AP3S2: variants seen among roughly 807,000 people sequenced by gnomAD.
AP3S2 encodes the protein AP-3 complex subunit sigma-2.
AP3S2 carries 22 observed loss-of-function variants against 23.4 expected under a neutral mutation model. The ratio of observed to expected loss-of-function variants is 0.94; its 90% CI spans 0.67 to 1.34. The LOEUF is 1.34. Ranked by LOEUF, AP3S2 falls within the 40% of genes most tolerant of loss-of-function variation. AP3S2 has a pLI of 0.00. For missense variants in AP3S2, 241 were observed against 236.9 expected (o/e 1.02, Z -0.11); for synonymous variants, 86 against 87.1 (o/e 0.99, Z 0.07).
chr15:89,837,478 A>G, intron 5 of AP3S2, 137 bp downstream of exon 5: 1 of 985,966 alleles, frequency 1.0e-6, no homozygotes, highest in South Asian at 1.6e-5. Flanking sequence ...CATGAGTTTC[A>G]ATGGACTCAA....
intron 4 of AP3S2, among the ~76,000 whole-genome samples, chr15:89,858,402 T>C (rs1330199802): frequency 6.7e-6 from 1 of 149,776 alleles, no homozygotes; most frequent in Non-Finnish European, 1.5e-5. Context: ...GATCACGTCA[T>C]TGCACTCCAA....
At chr15:89,879,994 C>G (rs1174554770) in intron 3 of AP3S2, among the ~76,000 whole-genome samples, 1 of 145,816 alleles carries the variant, frequency 6.9e-6, no homozygotes, top group East Asian at 2.0e-4. Flanking sequence ...GAGTCTCACT[C>G]TTGTTGCCCA....
In AP3S2 at chr15:89,866,013, G is replaced by C. The variant is rs574278042; in HGVS notation, c.345+5462C>G. On this transcript the variant is annotated intron_variant, in intron 4 of 5. Coordinates refer to ENST00000336418, the MANE Select transcript of AP3S2 (RefSeq NM_005829.5). Reference sequence around the variant, plus strand: ...TGGCTCACTCACGCCTGTAATTCCAGCACTTTGGGAGACTGAGGTGGGTGG... The same window carrying C: ...TGGCTCACTCACGCCTGTAATTCCACCACTTTGGGAGACTGAGGTGGGTGG... Among the ~76,000 whole-genome samples, 29 of 152,230 alleles carry C rather than the reference G, an allele frequency of 1.9e-4. 1 individual carries two copies. Among genetic ancestry groups the C allele is most frequent in the Admixed American group, 1.8e-3 (28 of 15,290 alleles).
intron 4 of AP3S2, among the ~76,000 whole-genome samples, chr15:89,869,567 T>TAAAAA (rs527600193): frequency 6.5e-5 from 8 of 123,312 alleles, no homozygotes; most frequent in South Asian, 2.7e-4. Context: ...GAATTATCAA[T>TAAAAA]AAAAAAAAAA....
chr15:89,866,298 A>G (rs1896119142), intron 4 of AP3S2, among the ~76,000 whole-genome samples: 1 of 150,098 alleles, frequency 6.7e-6, no homozygotes, highest in Non-Finnish European at 1.5e-5. Flanking sequence ...ATGGAGGTAT[A>G]CTCCACGTTG....
At chr15:89,878,627 C>G (rs1896497425) in intron 3 of AP3S2, among the ~76,000 whole-genome samples, 1 of 152,164 alleles carries the variant, frequency 6.6e-6, no homozygotes, top group Non-Finnish European at 1.5e-5. Flanking sequence ...GTGGTATAAT[C>G]ATAGCTCACT....
rs1164241526 is a variant in AP3S2, at chr15:89,893,937, T to C, written c.13A>G (p.Ile5Val). The change falls in exon 1 of 6, where the codon ATT becomes GTT. Residue 5 changes from isoleucine to valine, a missense_variant. Physicochemically the swap from Ile to Val is conservative, Grantham distance 29. Coordinates refer to ENST00000336418, the MANE Select transcript of AP3S2 (RefSeq NM_005829.5). MIQA[I>V]LVFNNHGKPR... ...TTCCCATGGTTGTTGAAAACCAGAA[T>C]CGCCTGAATCATCTTTGCCAGCCAC... 1.0e-5 allele frequency: 16 copies of C among 1,551,458 alleles called. No individual in the cohort carries two copies. Among genetic ancestry groups the C allele is most frequent in the Non-Finnish European group, 1.4e-5 (16 of 1,146,960 alleles).
At chr15:89,857,138 C>G (rs1895860629) in intron 4 of AP3S2, among the ~76,000 whole-genome samples, 1 of 152,034 alleles carries the variant, frequency 6.6e-6, no homozygotes, top group African/African-American at 2.4e-5. Flanking sequence ...AAAGTAAAAA[C>G]TGGGCTGGGG....
At position 89,832,086 on chromosome 15, in the gene AP3S2, CA is replaced by C. The variant is rs1422701343; in HGVS notation, c.*3428del. 6.6e-6 allele frequency: 1 copy of C among 152,122 alleles called. No individual in the cohort carries two copies. Among genetic ancestry groups the C allele is most frequent in the Non-Finnish European group, 1.5e-5 (1 of 68,040 alleles). The allele number at this position is 152,122 out of a possible 1,614,324, so 9.4% of individuals were successfully genotyped here. ...GCCTAGAACTGAGCTTGGCCCTCAC[CA>C]GGCACTTAGAAATTGCATAATGAAA... On this transcript the variant is annotated 3_prime_UTR_variant, in exon 6 of 6. Transcript: ENST00000336418.
intron 4 of AP3S2, among the ~76,000 whole-genome samples, chr15:89,848,133 G>A (rs1166385948): frequency 6.6e-6 from 1 of 152,216 alleles, no homozygotes; most frequent in East Asian, 1.9e-4. Flanking sequence ...TAGGGCAAAT[G>A]CCTGTTGTGC....
At chr15:89,859,178 CCTTT>C (rs1267291057) in intron 4 of AP3S2, among the ~76,000 whole-genome samples, 2 of 150,288 alleles carry the variant, frequency 1.3e-5, no homozygotes, top group African/African-American at 2.4e-5. Flanking sequence ...TTCCTTCCTT[CCTTT>C]CTTCCTTCCT....
At chr15:89,867,014 C>A (rs1298963388) in intron 4 of AP3S2, among the ~76,000 whole-genome samples, 1 of 122,086 alleles carries the variant, frequency 8.2e-6, no homozygotes, top group Non-Finnish European at 1.7e-5. Flanking sequence ...CCCCCTACCC[C>A]TCCCCCTCCC....
At chr15:89,879,748 G>A (rs752680699) in intron 3 of AP3S2, among the ~76,000 whole-genome samples, 1 of 151,934 alleles carries the variant, frequency 6.6e-6, no homozygotes, top group South Asian at 2.1e-4. Flanking sequence ...TGGGACTACA[G>A]GCACCTGTCA....
At chr15:89,840,734 C>T (rs994002992) in intron 4 of AP3S2, among the ~76,000 whole-genome samples, 17 of 152,132 alleles carry the variant, frequency 1.1e-4, no homozygotes, top group African/African-American at 4.1e-4. Flanking sequence ...GGCCTGACTT[C>T]ACTTTATATA....
At position 89,846,460 on chromosome 15, in the gene AP3S2, C is replaced by T. The variant is rs113889602; in HGVS notation, c.346-8738G>A. 1.1e-3 allele frequency among the ~76,000 whole-genome samples: 169 copies of T among 152,168 alleles called. 1 individual carries two copies. Among genetic ancestry groups the T allele is most frequent in the African/African-American group, 3.9e-3 (160 of 41,518 alleles). ...GCAACCTCCACCTCCCAGATTCAAG[C>T]GATCCTACAGCCTTAACCTCCCCAG... On this transcript the variant is annotated intron_variant, in intron 4 of 5. Transcript: ENST00000336418.
intron 1 of AP3S2, among the ~76,000 whole-genome samples, chr15:89,892,764 C>T (rs1045612641): frequency 4.6e-5 from 7 of 152,192 alleles, no homozygotes; most frequent in African/African-American, 2.4e-5. Flanking sequence ...CCCGGGCTCA[C>T]GCCATTCTCC....
At chr15:89,844,755 G>A (rs962721756) in intron 4 of AP3S2, among the ~76,000 whole-genome samples, 63 of 152,206 alleles carry the variant, frequency 4.1e-4, no homozygotes, top group African/African-American at 1.4e-3. Context: ...AACTCAAACT[G>A]CTGTGAAACA....
intron 2 of AP3S2, 65 bp downstream of exon 2, chr15:89,888,984 A>T: frequency 6.3e-7 from 1 of 1,589,622 alleles, no homozygotes; most frequent in Admixed American, 1.7e-5. Context: ...TACTGTCAGA[A>T]GATGCAATAA....
chr15:89,877,163 T>C (rs778711210), intron 3 of AP3S2: 2 of 439,978 alleles, frequency 4.5e-6, no homozygotes, highest in Non-Finnish European at 8.5e-6. Flanking sequence ...TTAGAAGACT[T>C]TGAAGCAATA....
Sources: gnomAD v4.1 joint callset for allele counts (sites outside exome capture counted in the v4.1 genomes callset) on GRCh38, gnomAD v4.1.1 for gene constraint, MANE v1.5 for transcripts, NCBI Gene and HGNC (gene_info 2026-07-23, HGNC 2026-07-21) for gene names.